Variants in DYNC1H1 observed in about 807,000 individuals in gnomAD.
The protein encoded by DYNC1H1 is cytoplasmic dynein 1 heavy chain 1.
A neutral mutation model predicts 527.1 loss-of-function variants in DYNC1H1; 51 were observed. That is an observed-to-expected ratio of 0.10 (90% CI 0.08 to 0.12). The LOEUF is 0.12. Ranked by LOEUF, DYNC1H1 falls within the 10% of genes least tolerant of loss-of-function variation. DYNC1H1 has a pLI of 1.00. For synonymous variants in DYNC1H1, 2,189 were observed against 2,278.8 expected (o/e 0.96, Z 1.12); for missense variants, 2,771 against 5,971.8 (o/e 0.46, Z 17.66).
intron 63 of DYNC1H1, 59 bp downstream of exon 63, chr14:102,040,469 A>G: frequency 6.2e-7 from 1 of 1,613,264 alleles, no homozygotes; most frequent in Non-Finnish European, 8.5e-7. Context: ...CAGGAAATGT[A>G]AGGAATTGCA....
chr14:102,025,567 A>G (rs888533210), intron 43 of DYNC1H1, among the ~76,000 whole-genome samples: 37 of 21,734 alleles, frequency 1.7e-3, no homozygotes, highest in Non-Finnish European at 1.3e-3. Context: ...GTCTCAAGGA[A>G]AAAAAAAAAA....
In DYNC1H1 at chr14:102,015,182, C is replaced by T. The variant is rs757662901; in HGVS notation, c.7092C>T (p.Phe2364=). 6.2e-7 allele frequency: 1 copy of T among 1,614,202 alleles called. No homozygotes were observed. The highest frequency in any genetic ancestry group is 1.7e-5 in the Admixed American group (1 of 60,026). The change falls in exon 35 of 78, where the codon TTC becomes TTT. Residue 2364 remains phenylalanine, a synonymous_variant. Transcript: ENST00000360184. The surrounding 1 kb of genome is among the most constrained non-coding windows in gnomAD (Gnocchi z 6.9). The stretch of plus-strand genomic sequence containing the variant: ...TGTCGCGCTGCGGCATGGTCTGGTT[C>T]AGTGAGGATGTGCTGAGCACCGACA... ...ATVSRCGMVW[F]SEDVLSTDMI... is the part of the protein sequence containing the mutation.
rs770395590 is a variant in DYNC1H1, at chr14:102,048,579, C to G, written c.13282C>G (p.Arg4428Gly). The G allele has an allele frequency of 1.2e-6, 2 of 1,614,184 alleles. No homozygotes were observed. Among genetic ancestry groups the G allele is most frequent in the South Asian group, 1.1e-5 (1 of 91,088 alleles). The change falls in exon 74 of 78, where the codon CGC (arginine) becomes GGC (glycine). Residue 4428 changes from arginine to glycine, a missense_variant. Coordinates refer to ENST00000360184, the MANE Select transcript of DYNC1H1 (RefSeq NM_001376.5). ...GGGCGCAAAGCTGCTTCAGGACGTT[C>G]GCCAGGACCTTGCAGATGTCGTCCA... ...KMGAKLLQDVRQDLADVVQVC... is the reference protein window; with the variant it reads ...KMGAKLLQDVGQDLADVVQVC...
At chr14:102,022,435 G>A (rs535075688) in intron 42 of DYNC1H1, among the ~76,000 whole-genome samples, 4 of 151,368 alleles carry the variant, frequency 2.6e-5, no homozygotes, top group African/African-American at 9.7e-5. Context: ...GAACCCGGGA[G>A]GCGGAGCTTG....
At chr14:102,032,971 G>A (rs1311197546) in intron 52 of DYNC1H1, 94 bp from the exon 53 acceptor site, 1 of 1,297,482 alleles carries the variant, frequency 7.7e-7, no homozygotes, top group East Asian at 2.3e-5. Flanking sequence ...CAATGAGATG[G>A]GAGCTGGCTC....
In DYNC1H1 at chr14:102,050,915, C is replaced by T. The variant is rs1341743706; in HGVS notation, c.*352C>T. 8.3e-5 allele frequency: 30 copies of T among 361,922 alleles called. No individual in the cohort carries two copies. The East Asian group carries it at 2.0e-3, about 24-fold the overall frequency. 22.4% of individuals were successfully genotyped at this position (361,922 alleles called of 1,614,324 possible). Reference sequence around the variant, plus strand: ...CCCCACCTCGCTTTCATCATGAGCTCGCTCCCGAGCGGCCACAGCACTCAT... The same window carrying T: ...CCCCACCTCGCTTTCATCATGAGCTTGCTCCCGAGCGGCCACAGCACTCAT... On this transcript the variant is annotated 3_prime_UTR_variant, in exon 78 of 78. Coordinates refer to ENST00000360184, the MANE Select transcript of DYNC1H1 (RefSeq NM_001376.5).
In DYNC1H1 at chr14:102,036,232, A is replaced by G. The variant is rs2048573589; in HGVS notation, c.10755-257A>G. 2 of 453,634 alleles carry G rather than the reference A, an allele frequency of 4.4e-6. No individual in the cohort carries two copies. The highest frequency in any genetic ancestry group is 6.9e-5 in the Admixed American group (2 of 29,028). The allele number at this position is 453,634 out of a possible 1,614,324, so 28.1% of individuals were successfully genotyped here. The stretch of plus-strand genomic sequence containing the variant: ...GAGAGGATGATTGTCCCAGAAGGAA[A>G]AAGATTTTTAACTATGGCCCTCTTG... On this transcript the variant is annotated intron_variant, in intron 56 of 77. Transcript: ENST00000360184. The surrounding 1 kb of genome is among the most constrained non-coding windows in gnomAD (Gnocchi z 5.6).
Position 101,986,364 on chromosome 14 carries a change from C to A in DYNC1H1, c.2139C>A (p.Val713=), listed in dbSNP as rs1474403475. ...ARKVQQRNLG[V]SGRIFTIEST... ...AGGTGCAGCAGCGCAACCTCGGTGT[C>A]TCGGGGCGCATTTTCACCATCGAAA... The change falls in exon 8 of 78, where the codon GTC becomes GTA. Residue 713 remains valine, a synonymous_variant. Transcript: ENST00000360184. The surrounding 1 kb of genome is among the most constrained non-coding windows in gnomAD (Gnocchi z 8.7). 6.2e-7 allele frequency: 1 copy of A among 1,614,102 alleles called. No individual in the cohort carries two copies. Among genetic ancestry groups the A allele is most frequent in the African/African-American group, 1.3e-5 (1 of 75,026 alleles).
rs1057152197 is a variant in DYNC1H1 at position 102,029,308 on chromosome 14, G to A, written c.9469-231G>A. On this transcript the variant is annotated intron_variant, in intron 48 of 77. Transcript: ENST00000360184. The surrounding 1 kb of genome is among the most constrained non-coding windows in gnomAD (Gnocchi z 5.3). The stretch of plus-strand genomic sequence containing the variant: ...ACATAAGTACACCTCTAAAGTTGGT[G>A]TAATCACCATCCTCAGTTTAGAGAA... 3.5e-6 allele frequency: 2 copies of A among 579,024 alleles called. No homozygotes were observed. Among genetic ancestry groups the A allele is most frequent in the African/African-American group, 1.9e-5 (1 of 53,432 alleles). The allele number at this position is 579,024 out of a possible 1,614,324, so 35.9% of individuals were successfully genotyped here. A position where few individuals can be genotyped will look rare whatever the true frequency, so the allele number is the denominator to read the frequency against.
Position 101,964,850 on chromosome 14 carries a change from G to A in DYNC1H1, c.159G>A (p.Glu53=), listed in dbSNP as rs749252604. The change falls in exon 1 of 78, where the codon GAG becomes GAA. Residue 53 remains glutamate (E), a synonymous_variant. Coordinates refer to ENST00000360184, the MANE Select transcript of DYNC1H1 (RefSeq NM_001376.5). The surrounding 1 kb of genome is among the most constrained non-coding windows in gnomAD (Gnocchi z 5.5). ...EDGGEAPAAL[E]AALEEKSALE... ...GCGGCGAGGCGCCGGCCGCGCTGGA[G>A]GCGGCGCTGGAGGAGAAGAGCGCCC... 1 of 1,598,590 alleles carries A rather than the reference G, an allele frequency of 6.3e-7. No homozygotes were observed. The highest frequency in any genetic ancestry group is 8.5e-7 in the Non-Finnish European group (1 of 1,173,488).
Position 102,039,317 on chromosome 14 carries a change from G to A in DYNC1H1, c.11460+63G>A. 1 of 1,611,844 alleles carries A rather than the reference G, an allele frequency of 6.2e-7. No individual in the cohort carries two copies. On this transcript the variant is annotated intron_variant, in intron 60 of 77. Transcript: ENST00000360184. This position sits in a 1 kb window ranked among gnomAD's most constrained non-coding sequence, Gnocchi z 7.0. ...CACAGTAGCTCCTTGGCCGCACAGA[G>A]GCTGGCGGGCCCTGCACAGTAGCTC...
intron 55 of DYNC1H1, 40 bp from the exon 56 acceptor site, chr14:102,034,285 G>A (rs770805482): frequency 6.2e-7 from 1 of 1,614,216 alleles, no homozygotes; most frequent in South Asian, 1.1e-5. Context: ...TCCCATCTGT[G>A]GCTGTGAAGA....
chr14:101,965,151 G>A lies in DYNC1H1; in HGVS notation c.256+204G>A, dbSNP rs1462636067. Among the ~76,000 whole-genome samples the A allele has an allele frequency of 1.3e-5, 2 of 151,892 alleles. No homozygotes were observed. The highest frequency in any genetic ancestry group is 2.9e-5 in the Non-Finnish European group (2 of 67,936). ...CAGACGCCCCGCAGAGGCCGGCGCG[G>A]CGCCCGGGGCTCGCCCTCGCCACAC... On this transcript the variant is annotated intron_variant, in intron 1 of 77. Transcript: ENST00000360184. This position sits in a 1 kb window ranked among gnomAD's most constrained non-coding sequence, Gnocchi z 4.1.
Position 102,018,337 on chromosome 14 carries a change from G to C in DYNC1H1, c.8178-114G>C, listed in dbSNP as rs931379562. On this transcript the variant is annotated intron_variant, in intron 40 of 77. Coordinates refer to ENST00000360184, the MANE Select transcript of DYNC1H1 (RefSeq NM_001376.5). This position sits in a 1 kb window ranked among gnomAD's most constrained non-coding sequence, Gnocchi z 5.2. ...CACTGATGTCAAGTCTGCATAGCTG[G>C]GTTAGGAAGCGACCTCCAGACAGGG... The C allele has an allele frequency of 1.6e-5, 24 of 1,455,112 alleles. No individual in the cohort carries two copies. The highest frequency in any genetic ancestry group is 2.1e-5 in the Non-Finnish European group (23 of 1,077,354). 90.1% of individuals were successfully genotyped at this position (1,455,112 alleles called of 1,614,324 possible).
intron 29 of DYNC1H1, 136 bp from the exon 30 acceptor site, chr14:102,009,707 G>T: frequency 7.2e-7 from 1 of 1,391,806 alleles, no homozygotes; most frequent in Non-Finnish European, 9.8e-7. Flanking sequence ...AGGCCAAAGA[G>T]CAGCCCCCGA....
Position 101,987,458 on chromosome 14 carries a change from T to C in DYNC1H1, c.2544T>C (p.Asp848=), listed in dbSNP as rs2047949733. ...ETVFNFQEKV[D]DLLIIEEKID... is the part of the protein sequence containing the mutation. ...TTAAATATTTCTTCCTTCAGGTGGA[T>C]GATCTGCTGATCATTGAAGAAAAAA... The change falls in exon 9 of 78, where the codon GAT becomes GAC. Residue 848 remains aspartate (D), a synonymous_variant. Transcript: ENST00000360184. 1.2e-6 allele frequency: 2 copies of C among 1,614,114 alleles called. No individual in the cohort carries two copies. The highest frequency in any genetic ancestry group is 1.7e-6 in the Non-Finnish European group (2 of 1,179,996).
rs773725715 is a variant in DYNC1H1, at chr14:101,985,691, C to T, written c.1466C>T (p.Thr489Met). Residue 489 changes from threonine (T) to methionine (M), a missense_variant, in exon 8 of 78, where the codon ACG becomes ATG. Thr to Met is a moderately conservative substitution (Grantham distance 81). Coordinates refer to ENST00000360184, the MANE Select transcript of DYNC1H1 (RefSeq NM_001376.5). The surrounding 1 kb of genome is among the most constrained non-coding windows in gnomAD (Gnocchi z 5.9). ...TTACATATCTTTCTCCTTTAGGTCA[C>T]GGCAGTTGCACAACAGAATCAAGGA... ...VIVRVLRPQV[T>M]AVAQQNQGEV... 3.0e-5 allele frequency: 48 copies of T among 1,614,164 alleles called. No homozygotes were observed. The highest frequency in any genetic ancestry group is 6.6e-5 in the South Asian group (6 of 91,086).
rs745960214 is a variant in DYNC1H1, at chr14:102,041,544, C to CCAGCACCCACCCCTCTGTACCTGTTT, written c.11942-20_11947dup. On this transcript the variant is annotated intron_variant, in intron 64 of 77. Coordinates refer to ENST00000360184, the MANE Select transcript of DYNC1H1 (RefSeq NM_001376.5). The surrounding 1 kb of genome is among the most constrained non-coding windows in gnomAD (Gnocchi z 4.5). Reference sequence around the variant, plus strand: ...GGCGTCTCTGAGTCCATGCTTCCACCCAGCACCCACCCCTCTGTACCTGTT... The same window carrying CCAGCACCCACCCCTCTGTACCTGTTT: ...GGCGTCTCTGAGTCCATGCTTCCACCCAGCACCCACCCCTCTGTACCTGTTTCAGCACCCACCCCTCTGTACCTGTT... The CCAGCACCCACCCCTCTGTACCTGTTT allele has an allele frequency of 1.2e-4, 198 of 1,613,394 alleles. 2 individuals are homozygous for CCAGCACCCACCCCTCTGTACCTGTTT. In the South Asian group the frequency reaches 2.0e-3, roughly 16 times the overall value.
chr14:101,982,957 T>C, intron 5 of DYNC1H1, 62 bp from the exon 6 acceptor site: 1 of 1,585,836 alleles, frequency 6.3e-7, no homozygotes, highest in Non-Finnish European at 8.6e-7. Flanking sequence ...AATGGCATAT[T>C]TTAGTTTACT....
Sources: allele counts gnomAD v4.1 joint callset (sites outside exome capture counted in the v4.1 genomes callset), GRCh38; gene constraint gnomAD v4.1.1; non-coding constraint Gnocchi (gnomAD v3.1); transcripts MANE v1.5; gene names NCBI Gene and HGNC (gene_info 2026-07-23, HGNC 2026-07-21).